Variants in HPSE2 observed in about 807,000 individuals in gnomAD.
HPSE2 encodes the protein inactive heparanase-2.
In HPSE2, 38 loss-of-function variants were observed where a neutral mutation model predicts 60.5. The ratio of observed to expected loss-of-function variants is 0.63; its 90% confidence interval spans 0.48 to 0.82. HPSE2 has a LOEUF of 0.82. Among genes scored for constraint, HPSE2 ranks in the 40% least tolerant of loss-of-function variants. The pLI is 0.00. For synonymous variants in HPSE2, 295 were observed against 293.2 expected (o/e 1.01, Z -0.06); for missense variants, 713 against 740.4 (o/e 0.96, Z 0.43).
intron 3 of HPSE2, among the ~76,000 whole-genome samples, chr10:99,108,323 G>C (rs1844326574): frequency 1.3e-5 from 2 of 150,682 alleles, no homozygotes; most frequent in African/African-American, 4.9e-5. Flanking sequence ...TGGACTAACA[G>C]ACATAAGCTA....
intron 2 of HPSE2, among the ~76,000 whole-genome samples, chr10:99,174,219 C>A (rs1847435304): frequency 1.3e-5 from 2 of 152,270 alleles, no homozygotes; most frequent in South Asian, 2.1e-4. Context: ...TGTCACAAAC[C>A]CTTATCTTAT....
At chr10:98,948,443 A>G (rs1392605511) in intron 3 of HPSE2, among the ~76,000 whole-genome samples, 5 of 152,174 alleles carry the variant, frequency 3.3e-5, no homozygotes, top group African/African-American at 1.2e-4. Context: ...GAGAAAGACG[A>G]AGGGGAAGAA....
At chr10:99,216,534 A>G (rs578046039) in intron 2 of HPSE2, among the ~76,000 whole-genome samples, 59 of 152,322 alleles carry the variant, frequency 3.9e-4, no homozygotes, top group Non-Finnish European at 6.9e-4. Flanking sequence ...ATCAGAGATA[A>G]TAACAACAGT....
the HPSE2 span, among the ~76,000 whole-genome samples, chr10:99,273,744 A>C: frequency 6.6e-6 from 1 of 152,206 alleles, no homozygotes; most frequent in Non-Finnish European, 1.5e-5. Flanking sequence ...GGATGGAAAG[A>C]TGGATAGACA....
At chr10:99,305,845 A>G in the HPSE2 span, among the ~76,000 whole-genome samples, 7 of 152,196 alleles carry the variant, frequency 4.6e-5, no homozygotes, top group African/African-American at 1.4e-4. Context: ...ATTCTGACTC[A>G]AACTAAATAT....
At chr10:98,511,440 G>A (rs999967049) in intron 9 of HPSE2, among the ~76,000 whole-genome samples, 10 of 152,062 alleles carry the variant, frequency 6.6e-5, no homozygotes, top group African/African-American at 1.2e-4. Flanking sequence ...GTGAGGCACC[G>A]CGCCCAGCCA....
rs559429510 is a variant in HPSE2, at chr10:98,978,014, C to T, written c.610+166224G>A. The stretch of plus-strand genomic sequence containing the variant: ...ATGTATTATTATTTCACCAGTTTTT[C>T]AAATGGAGAAAACAAACTCGGAGAC... On this transcript the variant is annotated intron_variant, in intron 3 of 11. Coordinates refer to ENST00000370552, the MANE Select transcript of HPSE2 (RefSeq NM_021828.5). 1.4e-3 allele frequency among the ~76,000 whole-genome samples: 209 copies of T among 151,686 alleles called. 2 individuals carry two copies. The highest frequency in any genetic ancestry group is 2.6e-3 in the Non-Finnish European group (177 of 67,868).
chr10:98,926,214 AT>A (rs1954457381), intron 3 of HPSE2, among the ~76,000 whole-genome samples: 1 of 152,176 alleles, frequency 6.6e-6, no homozygotes, highest in African/African-American at 2.4e-5. Context: ...AATGCGTGCT[AT>A]TGGAAAATAC....
intron 3 of HPSE2, among the ~76,000 whole-genome samples, chr10:98,870,597 A>G (rs901201766): frequency 3.3e-5 from 5 of 152,172 alleles, no homozygotes; most frequent in African/African-American, 1.2e-4. Context: ...ACAAAATACT[A>G]AATGCAAAAA....
chr10:98,616,043 T>C (rs536269194), intron 8 of HPSE2, among the ~76,000 whole-genome samples: 1 of 152,302 alleles, frequency 6.6e-6, no homozygotes, highest in East Asian at 1.9e-4. Context: ...ACCCAAGTCC[T>C]TATACATGTT....
At chr10:99,270,873 A>T in the HPSE2 span, among the ~76,000 whole-genome samples, 1 of 152,212 alleles carries the variant, frequency 6.6e-6, no homozygotes, top group Non-Finnish European at 1.5e-5. Flanking sequence ...AAATAGAATT[A>T]AAAACAAAAA....
At chr10:99,002,580 T>C (rs1564728387) in intron 3 of HPSE2, among the ~76,000 whole-genome samples, 1 of 151,986 alleles carries the variant, frequency 6.6e-6, no homozygotes, top group Non-Finnish European at 1.5e-5. Context: ...TCCTCAAAAC[T>C]GTCAACATCA....
At chr10:99,175,632 TAGATAAAACTCCCATCTCCCTGTGAC>T (rs937439590) in intron 2 of HPSE2, among the ~76,000 whole-genome samples, 1 of 152,228 alleles carries the variant, frequency 6.6e-6, no homozygotes, top group African/African-American at 2.4e-5. Context: ...CAGGGGCTTA[TAGATAAAACTCCCATCTCCCTGTGAC>T]AGAGCACCTG....
chr10:99,132,274 AG>A (rs1291619343), intron 3 of HPSE2, among the ~76,000 whole-genome samples: 1 of 150,656 alleles, frequency 6.6e-6, no homozygotes, highest in Non-Finnish European at 1.5e-5. Flanking sequence ...AAAGAAAGAA[AG>A]AAAAGAAATT....
chr10:99,053,781 T>C (rs1410050776), intron 3 of HPSE2, among the ~76,000 whole-genome samples: 3 of 125,622 alleles, frequency 2.4e-5, no homozygotes. Context: ...CAGGCTGGAG[T>C]GCAGTGGTAC....
intron 3 of HPSE2, among the ~76,000 whole-genome samples, chr10:98,755,008 CA>C (rs1482213748): frequency 6.6e-6 from 1 of 151,726 alleles, no homozygotes; most frequent in Non-Finnish European, 1.5e-5. Flanking sequence ...ATGACAGGAT[CA>C]AATCTATACA....
intron 5 of HPSE2, among the ~76,000 whole-genome samples, chr10:98,697,314 T>C (rs1406890720): frequency 6.6e-6 from 1 of 152,098 alleles, no homozygotes; most frequent in Non-Finnish European, 1.5e-5. Context: ...GGAACATAAA[T>C]AACTTGAAGG....
At chr10:99,314,542 T>A in the HPSE2 span, among the ~76,000 whole-genome samples, 1 of 152,204 alleles carries the variant, frequency 6.6e-6, no homozygotes, top group Non-Finnish European at 1.5e-5. Context: ...TACAATATAG[T>A]GTAAACATAA....
At position 99,057,015 on chromosome 10, in the gene HPSE2, A is replaced by C. The variant is rs548140043; in HGVS notation, c.610+87223T>G. Among the ~76,000 whole-genome samples, 11 of 152,296 alleles carry C rather than the reference A, an allele frequency of 7.2e-5. No homozygotes were observed. In the South Asian group the frequency reaches 2.3e-3, roughly 32 times the overall value. On this transcript the variant is annotated intron_variant, in intron 3 of 11. Transcript: ENST00000370552. ...TACGTATGAAGTATATGAACAGGTG[A>C]AATAATCTATAGTGACAGGTTGCCT... is the stretch of plus-strand genomic sequence containing the variant.
Sources: allele counts gnomAD v4.1 joint callset (sites outside exome capture counted in the v4.1 genomes callset), GRCh38; gene constraint gnomAD v4.1.1; transcripts MANE v1.5; gene names NCBI Gene and HGNC (gene_info 2026-07-23, HGNC 2026-07-21).